Variants in KLF7 observed in about 807,000 individuals in gnomAD.
KLF7 encodes the protein Krueppel-like factor 7.
KLF7 carries 2 observed loss-of-function variants against 27.3 expected under a neutral mutation model. The ratio of observed to expected loss-of-function variants is 0.07; its 90% CI spans 0.03 to 0.23. The LOEUF (loss-of-function observed/expected upper bound fraction) is 0.23. Among genes scored for constraint, KLF7 ranks in the 10% least tolerant of loss-of-function variants. The pLI, the probability that KLF7 is intolerant of heterozygous loss-of-function variation, is 1.00. For missense variants in KLF7, 221 were observed against 394.1 expected (o/e 0.56, Z 3.72); for synonymous variants, 165 against 162.4 (o/e 1.02, Z -0.12).
intron 2 of KLF7, among the ~76,000 whole-genome samples, chr2:207,113,125 A>G (rs1405273972): frequency 6.6e-6 from 1 of 152,236 alleles, no homozygotes; most frequent in Admixed American, 6.5e-5. Flanking sequence ...GGTCCATTTA[A>G]GAAATAAGGT....
upstream of KLF7, chr2:207,166,919 G>GTCCCC (rs2078730922): frequency 9.9e-7 from 1 of 1,012,870 alleles, no homozygotes; most frequent in Non-Finnish European, 1.2e-6. Flanking sequence ...CTTGCGCACA[G>GTCCCC]TCCCCGCCCC....
At chr2:207,147,271 T>A (rs1200073254) in intron 1 of KLF7, among the ~76,000 whole-genome samples, 1 of 152,146 alleles carries the variant, frequency 6.6e-6, no homozygotes, top group Non-Finnish European at 1.5e-5. Context: ...CAGGATAACA[T>A]AAGTGGTCCA....
intron 1 of KLF7, among the ~76,000 whole-genome samples, chr2:207,142,644 A>C (rs567928019): frequency 6.6e-6 from 1 of 152,328 alleles, no homozygotes; most frequent in South Asian, 2.1e-4. Context: ...TTTGAAACAG[A>C]CCTTGGCAAA....
intron 1 of KLF7, among the ~76,000 whole-genome samples, chr2:207,143,589 C>T (rs531025745): frequency 6.6e-6 from 1 of 152,302 alleles, no homozygotes; most frequent in Non-Finnish European, 1.5e-5. Flanking sequence ...TTCCTGTAGA[C>T]ATGCATTTAT....
chr2:207,161,352 CA>C (rs567028048), intron 1 of KLF7, among the ~76,000 whole-genome samples: 1 of 149,888 alleles, frequency 6.7e-6, no homozygotes, highest in Non-Finnish European at 1.5e-5. Context: ...AATCACATAC[CA>C]AAAAAAAACA....
intron 2 of KLF7, among the ~76,000 whole-genome samples, chr2:207,110,758 T>C (rs1354954296): frequency 6.6e-6 from 1 of 152,158 alleles, no homozygotes; most frequent in African/African-American, 2.4e-5. Flanking sequence ...AAATAATAAA[T>C]AATGCAATAT....
In KLF7 at chr2:207,102,125, TTCACACACAC is replaced by T. The variant is rs1461068050; in HGVS notation, c.734-13554_734-13545del. ...ACCACCCGTGAAAGCTACATTCACA[TTCACACACAC>T]ACACACACACACACACACACACACC... is the stretch of plus-strand genomic sequence containing the variant. On this transcript the variant is annotated intron_variant, in intron 2 of 3. Transcript: ENST00000309446. Among the ~76,000 whole-genome samples, 12 of 121,228 alleles carry T rather than the reference TTCACACACAC, an allele frequency of 9.9e-5. No homozygotes were observed. In the Admixed American group the frequency reaches 1.0e-3, roughly 10 times the overall value. The allele number at this position is 121,228 out of a possible 152,430, so 79.5% of individuals were successfully genotyped here.
At chr2:207,099,551 G>GAT (rs59383415) in intron 2 of KLF7, among the ~76,000 whole-genome samples, 1,042 of 57,508 alleles carry the variant, frequency 0.018, 117 homozygotes, top group South Asian at 0.064. Context: ...CTACATATGC[G>GAT]ATATATATAT....
chr2:207,137,356 G>A (rs1574538571), intron 1 of KLF7, among the ~76,000 whole-genome samples: 3 of 152,282 alleles, frequency 2.0e-5, no homozygotes, highest in Admixed American at 2.0e-4. Flanking sequence ...CGTGTTTTCT[G>A]TAAGCCCCAC....
At chr2:207,156,674 A>G (rs1347171632) in intron 1 of KLF7, among the ~76,000 whole-genome samples, 1 of 152,254 alleles carries the variant, frequency 6.6e-6, no homozygotes, top group African/African-American at 2.4e-5. Flanking sequence ...AATGTGAGCC[A>G]AACAGACTGC....
At chr2:207,151,027 A>AAGGG (rs1559163817) in intron 1 of KLF7, among the ~76,000 whole-genome samples, 1 of 145,492 alleles carries the variant, frequency 6.9e-6, no homozygotes, top group Non-Finnish European at 1.5e-5. Flanking sequence ...GGAAGAAAGG[A>AAGGG]AGGGAGGGAG....
intron 1 of KLF7, among the ~76,000 whole-genome samples, chr2:207,158,763 C>T (rs2078459859): frequency 6.6e-6 from 1 of 152,094 alleles, no homozygotes; most frequent in African/African-American, 2.4e-5. Flanking sequence ...GTTCTAGAAC[C>T]TAGCCAATCC....
At chr2:207,139,264 A>G (rs750106264) in intron 1 of KLF7, among the ~76,000 whole-genome samples, 1 of 152,184 alleles carries the variant, frequency 6.6e-6, no homozygotes, top group Non-Finnish European at 1.5e-5. Flanking sequence ...TTTACAGAGA[A>G]TTCTTTTGGG....
intron 2 of KLF7, among the ~76,000 whole-genome samples, chr2:207,097,566 G>A (rs954110375): frequency 1.3e-5 from 2 of 152,128 alleles, no homozygotes; most frequent in African/African-American, 2.4e-5. Flanking sequence ...GGAAATACAC[G>A]GGACTAAAGA....
chr2:207,155,349 G>A (rs2078354021), intron 1 of KLF7, among the ~76,000 whole-genome samples: 1 of 152,144 alleles, frequency 6.6e-6, no homozygotes, highest in South Asian at 2.1e-4. Flanking sequence ...TCCACCAATG[G>A]TTTTTTGCAA....
chr2:207,101,712 G>A (rs759462174), intron 2 of KLF7, among the ~76,000 whole-genome samples: 28 of 152,190 alleles, frequency 1.8e-4, no homozygotes, highest in Non-Finnish European at 4.0e-4. Flanking sequence ...CTGGCACAAT[G>A]TGTGGTCCTA....
At chr2:207,137,936 T>C (rs1342680979) in intron 1 of KLF7, among the ~76,000 whole-genome samples, 1 of 152,148 alleles carries the variant, frequency 6.6e-6, no homozygotes, top group Non-Finnish European at 1.5e-5. Context: ...CCCATTGCAA[T>C]GTTGCAGATT....
intron 1 of KLF7, among the ~76,000 whole-genome samples, chr2:207,144,848 A>G (rs188283704): frequency 9.8e-5 from 15 of 152,322 alleles, no homozygotes; most frequent in Non-Finnish European, 1.9e-4. Flanking sequence ...CTGGCGTTTG[A>G]TTCTAGATAG....
At chr2:207,104,905 G>A (rs2076845359) in intron 2 of KLF7, among the ~76,000 whole-genome samples, 1 of 152,172 alleles carries the variant, frequency 6.6e-6, no homozygotes. Context: ...TCTTTAAAAA[G>A]GAATAAGCAA....
Sources: gnomAD v4.1 joint callset for allele counts (sites outside exome capture counted in the v4.1 genomes callset) on GRCh38, gnomAD v4.1.1 for gene constraint, MANE v1.5 for transcripts, NCBI Gene and HGNC (gene_info 2026-07-23, HGNC 2026-07-21) for gene names.